SEMA6A: variants seen among roughly 807,000 people sequenced by gnomAD.
The protein encoded by SEMA6A is semaphorin 6A.
In SEMA6A, 25 loss-of-function variants were observed where a neutral mutation model predicts 96.8. That is an observed-to-expected ratio of 0.26 (90% CI 0.19 to 0.36). SEMA6A has a LOEUF of 0.36. Ranked by LOEUF, SEMA6A falls within the 10% of genes least tolerant of loss-of-function variation. The pLI, the probability that SEMA6A is intolerant of heterozygous loss-of-function variation, is 1.00. For synonymous variants in SEMA6A, 612 were observed against 518.0 expected (o/e 1.18, Z -2.46); for missense variants, 1,363 against 1,323.1 (o/e 1.03, Z -0.47).
chr5:116,467,620 C>A lies in SEMA6A; in HGVS notation c.1857G>T (p.Leu619Phe), dbSNP rs928241432. ...GGTGATTATGGGAAGACACTGCCCC[C>A]AAAGGGTCTGTGCTGTCAGGTGAGT... Reference protein sequence around the residue: ...LLDSPDSTDPLGAVSSHNHQD... With the variant: ...LLDSPDSTDPFGAVSSHNHQD... The change falls in exon 18 of 19, where the codon TTG becomes TTT. Residue 619 changes from leucine (L) to phenylalanine (F), a missense_variant. Leu to Phe is a conservative substitution (Grantham distance 22). Coordinates refer to ENST00000343348, the MANE Select transcript of SEMA6A (RefSeq NM_020796.5). 2.5e-6 allele frequency: 4 copies of A among 1,613,514 alleles called. No homozygotes were observed. The highest frequency in any genetic ancestry group is 3.4e-6 in the Non-Finnish European group (4 of 1,179,748).
Position 116,467,705 on chromosome 5 carries a change from G to A in SEMA6A, c.1772C>T (p.Ser591Leu), listed in dbSNP as rs757635978. Residue 591 changes from serine (S) to leucine (L), a missense_variant, in exon 18 of 19, where the codon TCG becomes TTG. This residue lies in a region of SEMA6A where 883 missense variants were observed against 763.6 expected (regional missense o/e 1.16). Coordinates refer to ENST00000343348, the MANE Select transcript of SEMA6A (RefSeq NM_020796.5). ...AGACTCATACCCCTCTTGAGCCGTCGAATCTGATGTGGTTGTGCTGGGCAA... is the reference window on the plus strand; with the variant it reads ...AGACTCATACCCCTCTTGAGCCGTCAAATCTGATGTGGTTGTGCTGGGCAA... ...SLLPSTTTSD[S>L]TAQEGYESRG... The A allele has an allele frequency of 1.5e-5, 25 of 1,613,646 alleles. No individual in the cohort carries two copies. Among genetic ancestry groups the A allele is most frequent in the East Asian group, 4.5e-5 (2 of 44,862 alleles).
intron 1 of SEMA6A, among the ~76,000 whole-genome samples, chr5:116,509,348 G>A (rs1340781619): frequency 6.6e-6 from 1 of 152,146 alleles, no homozygotes; most frequent in Non-Finnish European, 1.5e-5. Context: ...CCATGTTTCA[G>A]TAATTCTTTT....
intron 16 of SEMA6A, among the ~76,000 whole-genome samples, chr5:116,474,273 C>A (rs897319102): frequency 7.3e-6 from 1 of 136,468 alleles, no homozygotes; most frequent in Non-Finnish European, 1.5e-5. Flanking sequence ...AAAGCGTGCA[C>A]GCATGCACAC....
intron 1 of SEMA6A, among the ~76,000 whole-genome samples, chr5:116,524,639 A>ACATTACAG (rs1759123616): frequency 6.6e-6 from 1 of 152,150 alleles, no homozygotes; most frequent in Non-Finnish European, 1.5e-5. Context: ...ACCACCAAAA[A>ACATTACAG]CATTACAGTA....
In SEMA6A at chr5:116,446,114, TTG is replaced by T. The variant is rs752678771; in HGVS notation, c.*497_*498del. The T allele has an allele frequency of 1.2e-4, 18 of 152,860 alleles. No individual in the cohort carries two copies. The highest frequency in any genetic ancestry group is 1.2e-3 in the Admixed American group (18 of 15,290). 9.5% of individuals were successfully genotyped at this position (152,860 alleles called of 1,614,324 possible). ...GAATTATCAATGAATTCTTTTTTTTTTGTCTTTTTAAATTTTCTTGATTTTAA... is the reference window on the plus strand; with the variant it reads ...GAATTATCAATGAATTCTTTTTTTTTTCTTTTTAAATTTTCTTGATTTTAA... On this transcript the variant is annotated 3_prime_UTR_variant, in exon 19 of 19. Coordinates refer to ENST00000343348, the MANE Select transcript of SEMA6A (RefSeq NM_020796.5).
chr5:116,458,222 A>T (rs890740180), intron 18 of SEMA6A, among the ~76,000 whole-genome samples: 3 of 152,200 alleles, frequency 2.0e-5, no homozygotes, highest in Non-Finnish European at 4.4e-5. Context: ...TATCGTTAGG[A>T]CAAAACAAAA....
intron 1 of SEMA6A, among the ~76,000 whole-genome samples, chr5:116,548,079 C>T (rs1580503174): frequency 6.6e-6 from 1 of 152,200 alleles, no homozygotes; most frequent in East Asian, 1.9e-4. Context: ...AACTTAATTT[C>T]CCACTTTGGG....
At chr5:116,465,685 C>A (rs891617832) in intron 18 of SEMA6A, among the ~76,000 whole-genome samples, 2 of 152,148 alleles carry the variant, frequency 1.3e-5, no homozygotes, top group Non-Finnish European at 2.9e-5. Flanking sequence ...TTTTTGAGAA[C>A]CTCCATTCCT....
chr5:116,513,651 T>A (rs76414586), intron 1 of SEMA6A, among the ~76,000 whole-genome samples: 29 of 151,732 alleles, frequency 1.9e-4, no homozygotes, highest in Middle Eastern at 3.4e-3. Context: ...CAGGGATACA[T>A]GGGCAGGATG....
At position 116,467,683 on chromosome 5, in the gene SEMA6A, C is replaced by G; in HGVS notation, c.1794G>C (p.Glu598Asp). 1 of 1,613,846 alleles carries G rather than the reference C, an allele frequency of 6.2e-7. No homozygotes were observed. The highest frequency in any genetic ancestry group is 8.5e-7 in the Non-Finnish European group (1 of 1,179,860). ...TSDSTAQEGY[E>D]SRGGMLDWKH... ...TCCAGTCCAGCATTCCTCCCCTAGA[C>G]TCATACCCCTCTTGAGCCGTCGAAT... The change falls in exon 18 of 19, where the codon GAG becomes GAC. Residue 598 changes from glutamate (E) to aspartate (D), a missense_variant. Around this residue, in one of 2 missense-constraint regions of SEMA6A, gnomAD observed 883 missense variants for 763.6 expected, o/e 1.16. Transcript: ENST00000343348.
intron 18 of SEMA6A, among the ~76,000 whole-genome samples, chr5:116,455,846 C>T (rs917954665): frequency 6.6e-6 from 1 of 152,172 alleles, no homozygotes; most frequent in African/African-American, 2.4e-5. Context: ...AAATAGCTAA[C>T]TGTGTGACTT....
intron 18 of SEMA6A, among the ~76,000 whole-genome samples, chr5:116,454,812 A>ATG (rs1462257295): frequency 7.1e-6 from 1 of 141,842 alleles, no homozygotes; most frequent in African/African-American, 2.6e-5. Context: ...GTGTGTGTGC[A>ATG]TGTGTGTGTG....
intron 18 of SEMA6A, among the ~76,000 whole-genome samples, chr5:116,464,206 A>AT (rs1271852002): frequency 1.3e-5 from 2 of 152,162 alleles, no homozygotes; most frequent in South Asian, 4.1e-4. Flanking sequence ...AATAATATGT[A>AT]TTTTTTAATG....
chr5:116,546,250 G>A (rs1267417245), intron 1 of SEMA6A, among the ~76,000 whole-genome samples: 1 of 152,216 alleles, frequency 6.6e-6, no homozygotes, highest in Non-Finnish European at 1.5e-5. Flanking sequence ...AGAGTCACAA[G>A]CTCAGAGTCA....
chr5:116,508,214 C>T (rs546361289), intron 1 of SEMA6A: 18 of 152,108 alleles, frequency 1.2e-4, no homozygotes, highest in African/African-American at 4.1e-4. Flanking sequence ...GTCTGAAAAC[C>T]GTGTGAATGC....
Position 116,447,689 on chromosome 5 carries a change from C to T in SEMA6A, c.2017G>A (p.Val673Ile), listed in dbSNP as rs1469056213. The T allele has an allele frequency of 6.8e-6, 11 of 1,614,006 alleles. No homozygotes were observed. In the East Asian group the frequency reaches 1.3e-4, roughly 20 times the overall value. ...ACGTCTTTGCGCCGATGATCACAGA[C>T]GCAGTAGACGGTGATGCCCGAGAAG... is the stretch of plus-strand genomic sequence containing the variant. ...AVFSGITVYC[V>I]CDHRRKDVAV... The change falls in exon 19 of 19, where the codon GTC becomes ATC. Residue 673 changes from valine to isoleucine, a missense_variant. Val to Ile is a conservative substitution (Grantham distance 29). Around this residue, in one of 2 missense-constraint regions of SEMA6A, gnomAD observed 883 missense variants for 763.6 expected, o/e 1.16. Transcript: ENST00000343348.
At chr5:116,530,167 T>A (rs1466190909) in intron 1 of SEMA6A, among the ~76,000 whole-genome samples, 1 of 152,184 alleles carries the variant, frequency 6.6e-6, no homozygotes, top group African/African-American at 2.4e-5. Context: ...TTGAACTAAA[T>A]GTTGTAAATG....
In SEMA6A at chr5:116,475,197, G is replaced by A. The variant is rs144777793; in HGVS notation, c.1708+348C>T. Among the ~76,000 whole-genome samples the A allele has an allele frequency of 4.2e-3, 638 of 152,136 alleles. 3 individuals carry two copies. The highest frequency in any genetic ancestry group is 5.7e-3 in the Non-Finnish European group (386 of 67,992). ...ATGATCAATCTTATTATTATTTGGC[G>A]GAAAATGACAGTATAAAAGCATGTT... On this transcript the variant is annotated intron_variant, in intron 16 of 18. Transcript: ENST00000343348.
At chr5:116,571,575 A>G (rs1204059102) in intron 1 of SEMA6A, among the ~76,000 whole-genome samples, 1 of 152,154 alleles carries the variant, frequency 6.6e-6, no homozygotes, top group Non-Finnish European at 1.5e-5. Flanking sequence ...CCAAAACCAA[A>G]ATAATAACAG....
Sources: gnomAD v4.1 joint callset for allele counts (sites outside exome capture counted in the v4.1 genomes callset) on GRCh38, gnomAD v4.1.1 for gene constraint, gnomAD v4.1.1 regional missense constraint, MANE v1.5 for transcripts, NCBI Gene and HGNC (gene_info 2026-07-23, HGNC 2026-07-21) for gene names.